Variants in MYOM3 observed in about 807,000 individuals in gnomAD.
The protein encoded by MYOM3 is myomesin-3.
Under a neutral mutation model 191.7 loss-of-function variants are expected in MYOM3, and 155 were observed. The observed-to-expected ratio is 0.81, with a 90% CI of 0.71 to 0.92. MYOM3 has a LOEUF of 0.92. Among genes scored for constraint, MYOM3 ranks in the 40% least tolerant of loss-of-function variants. The pLI, the probability that MYOM3 is intolerant of heterozygous loss-of-function variation, is 0.00. For missense variants in MYOM3, 1,889 were observed against 1,890.6 expected (o/e 1.00, Z 0.02); for synonymous variants, 757 against 762.9 (o/e 0.99, Z 0.13).
intron 9 of MYOM3, among the ~76,000 whole-genome samples, chr1:24,093,613 G>A (rs909403158): frequency 1.1e-4 from 16 of 152,032 alleles, no homozygotes; most frequent in African/African-American, 3.6e-4. Context: ...TTAGGAGGTG[G>A]ATGGGGACTC....
rs755329871 is a variant in MYOM3 at position 24,071,956 on chromosome 1, A to C, written c.3013+13T>G. 7.4e-6 allele frequency: 12 copies of C among 1,613,812 alleles called. No homozygotes were observed. Among genetic ancestry groups the C allele is most frequent in the Non-Finnish European group, 1.0e-5 (12 of 1,179,840 alleles). On this transcript the variant is annotated intron_variant, in intron 24 of 36. Transcript: ENST00000374434. ...GAACTGCACAAGGCTGGTAGCTTGG[A>C]CTGCTTGCTTACCTGGGTTTCTGAT...
In MYOM3 at chr1:24,056,475, T is replaced by C. The variant is rs1643302168; in HGVS notation, c.*889A>G. On this transcript the variant is annotated 3_prime_UTR_variant, in exon 37 of 37. Transcript: ENST00000374434. ...CCTCCGCCTCCCAGGTTCAACGGAT[T>C]CTCCCACCTCGGCCTTCTGAATAGC... The C allele has an allele frequency of 6.6e-6, 1 of 152,222 alleles. No individual in the cohort carries two copies. Among genetic ancestry groups the C allele is most frequent in the Non-Finnish European group, 1.5e-5 (1 of 68,064 alleles). 9.4% of individuals were successfully genotyped at this position (152,222 alleles called of 1,614,324 possible). A position where few individuals can be genotyped will look rare whatever the true frequency, so the allele number is the denominator to read the frequency against.
In MYOM3 at chr1:24,099,766, A is replaced by G. The variant is rs1266651848; in HGVS notation, c.570T>C (p.Asn190=). Reference sequence around the variant, plus strand: ...AGAGGCGGGGATCAATCCGTGTGTCATTTTTGTACCTGTGGGGACATAGCG... The same window carrying G: ...AGAGGCGGGGATCAATCCGTGTGTCGTTTTTGTACCTGTGGGGACATAGCG... ...SPPPQVTWYK[N]DTRIDPRLFR... The change falls in exon 6 of 37, where the codon AAT becomes AAC. Residue 190 remains asparagine, a synonymous_variant. Coordinates refer to ENST00000374434, the MANE Select transcript of MYOM3 (RefSeq NM_152372.4). The G allele has an allele frequency of 6.2e-7, 1 of 1,613,720 alleles. No individual in the cohort carries two copies. The highest frequency in any genetic ancestry group is 1.7e-5 in the Admixed American group (1 of 59,992).
Position 24,057,308 on chromosome 1 carries a change from G to T in MYOM3, c.*56C>A. On this transcript the variant is annotated 3_prime_UTR_variant, in exon 37 of 37. Transcript: ENST00000374434. ...TGTGCCAGGCTGTGACCCTGGTACA[G>T]GTTGTCCCTACTGGTCCATGTAGAC... 4 of 1,560,216 alleles carry T rather than the reference G, an allele frequency of 2.6e-6. No individual in the cohort carries two copies. The highest frequency in any genetic ancestry group is 1.2e-5 in the South Asian group (1 of 83,906).
rs1289917821 is a variant in MYOM3, at chr1:24,067,894, C to T, written c.3355+76G>A. 2.1e-6 allele frequency: 3 copies of T among 1,450,082 alleles called. 1 individual carries two copies. Among genetic ancestry groups the T allele is most frequent in the Non-Finnish European group, 2.9e-6 (3 of 1,032,654 alleles). 89.8% of individuals were successfully genotyped at this position (1,450,082 alleles called of 1,614,324 possible). A position where few individuals can be genotyped will look rare whatever the true frequency, so the allele number is the denominator to read the frequency against. The stretch of plus-strand genomic sequence containing the variant: ...TGGGGACCCAGCAGGGCTGGGGTTC[C>T]CATTAATCCGCAGTCCAGCATCTCT... On this transcript the variant is annotated intron_variant, in intron 27 of 36. Coordinates refer to ENST00000374434, the MANE Select transcript of MYOM3 (RefSeq NM_152372.4).
At position 24,082,638 on chromosome 1, in the gene MYOM3, C is replaced by G; in HGVS notation, c.2047G>C (p.Glu683Gln). ...ATGGGCTCGGTGGCGGCTGAGCTCT[C>G]GCCTACCCCAGCCTCGCTGACTGAC... The part of the protein sequence containing the change: ...VRSVSEAGVG[E>Q]SSAATEPIRV... Residue 683 changes from glutamate (E) to glutamine (Q), a missense_variant, in exon 17 of 37, where the codon GAG becomes CAG. Transcript: ENST00000374434. 3 of 1,612,530 alleles carry G rather than the reference C, an allele frequency of 1.9e-6. No homozygotes were observed. Among genetic ancestry groups the G allele is most frequent in the Non-Finnish European group, 2.5e-6 (3 of 1,179,428 alleles).
At chr1:24,079,154 C>A (rs1043835751) in intron 20 of MYOM3, among the ~76,000 whole-genome samples, 14 of 152,076 alleles carry the variant, frequency 9.2e-5, no homozygotes, top group African/African-American at 3.1e-4. Context: ...TTTTTCTTAG[C>A]CATATAGGAT....
At chr1:24,092,389 C>A in intron 10 of MYOM3, 74 bp from the exon 11 acceptor site, 1 of 1,273,184 alleles carries the variant, frequency 7.9e-7, no homozygotes, top group East Asian at 2.8e-5. Flanking sequence ...CACTCCCGCC[C>A]AGCATCCTCT....
chr1:24,078,278 C>G (rs968459800), intron 20 of MYOM3, among the ~76,000 whole-genome samples: 1 of 152,014 alleles, frequency 6.6e-6, no homozygotes, highest in South Asian at 2.1e-4. Context: ...CCACACATGG[C>G]TAATTTTTGT....
chr1:24,072,286 C>T (rs1349608015), intron 23 of MYOM3, among the ~76,000 whole-genome samples: 1 of 152,154 alleles, frequency 6.6e-6, no homozygotes, highest in Non-Finnish European at 1.5e-5. Flanking sequence ...GTCTCGCCTC[C>T]CTAGAGGAGC....
Position 24,108,456 on chromosome 1 carries a change from G to A in MYOM3, c.161+20C>T, listed in dbSNP as rs745766870. The A allele has an allele frequency of 2.0e-4, 312 of 1,534,290 alleles. No homozygotes were observed. The highest frequency in any genetic ancestry group is 2.6e-4 in the Non-Finnish European group (297 of 1,138,658). ...CCTGGGAACAGGGCAGTGGCTGGGCGGGGACCCTGTGGCTCCCACCTGCTG... is the reference window on the plus strand; with the variant it reads ...CCTGGGAACAGGGCAGTGGCTGGGCAGGGACCCTGTGGCTCCCACCTGCTG... On this transcript the variant is annotated intron_variant, in intron 2 of 36. Coordinates refer to ENST00000374434, the MANE Select transcript of MYOM3 (RefSeq NM_152372.4).
intron 27 of MYOM3, among the ~76,000 whole-genome samples, chr1:24,067,524 G>A (rs1475137852): frequency 6.7e-6 from 1 of 150,048 alleles, no homozygotes; most frequent in Non-Finnish European, 1.5e-5. Context: ...GTGCAGTGGC[G>A]CAATCTCGGC....
At chr1:24,086,228 G>A (rs1049946183) in intron 15 of MYOM3, among the ~76,000 whole-genome samples, 8 of 152,088 alleles carry the variant, frequency 5.3e-5, no homozygotes, top group Admixed American at 4.6e-4. Context: ...GCAGGTGAGT[G>A]GTGTCCTGCC....
At position 24,057,590 on chromosome 1, in the gene MYOM3, G is replaced by T; in HGVS notation, c.4088C>A (p.Thr1363Asn). ...CLTCIVSGDPTPEISWLKNDQ... is the reference protein window; with the variant it reads ...CLTCIVSGDPNPEISWLKNDQ... Reference sequence around the variant, plus strand: ...ATTCTTCAGCCAAGAGATTTCAGGGGTGGGGTCTCCTGAGACGATGCAAGT... The same window carrying T: ...ATTCTTCAGCCAAGAGATTTCAGGGTTGGGGTCTCCTGAGACGATGCAAGT... Residue 1363 changes from threonine to asparagine, a missense_variant, in exon 37 of 37, where the codon ACC (threonine) becomes AAC (asparagine). Thr to Asn is a moderately conservative substitution (Grantham distance 65, BLOSUM62 0). Coordinates refer to ENST00000374434, the MANE Select transcript of MYOM3 (RefSeq NM_152372.4). The T allele has an allele frequency of 6.2e-7, 1 of 1,614,128 alleles. No individual in the cohort carries two copies. The highest frequency in any genetic ancestry group is 8.5e-7 in the Non-Finnish European group (1 of 1,179,990).
chr1:24,067,954 C>T lies in MYOM3; in HGVS notation c.3355+16G>A. ...CAGTGGCCAGGGATTTTGAACTTCA[C>T]CCCAGCAGCTCTTACCCTGTTTTCT... On this transcript the variant is annotated intron_variant, in intron 27 of 36. Coordinates refer to ENST00000374434, the MANE Select transcript of MYOM3 (RefSeq NM_152372.4). 1.9e-6 allele frequency: 3 copies of T among 1,613,616 alleles called. No homozygotes were observed. Among genetic ancestry groups the T allele is most frequent in the Non-Finnish European group, 2.5e-6 (3 of 1,179,482 alleles).
In MYOM3 at chr1:24,108,035, A is replaced by G; in HGVS notation, c.200T>C (p.Leu67Pro). 5 of 1,613,736 alleles carry G rather than the reference A, an allele frequency of 3.1e-6. No individual in the cohort carries two copies. Among genetic ancestry groups the G allele is most frequent in the Non-Finnish European group, 4.2e-6 (5 of 1,179,838 alleles). ...EHEFSAADYA[L>P]AAALALTASS... ...GGCCGTCAGAGCCAGGGCTGCTGCCAGGGCGTAGTCCGCGGCGCTGAACTC... is the reference window on the plus strand; with the variant it reads ...GGCCGTCAGAGCCAGGGCTGCTGCCGGGGCGTAGTCCGCGGCGCTGAACTC... The change falls in exon 3 of 37, where the codon CTG becomes CCG. Residue 67 changes from leucine (L) to proline (P), a missense_variant. By Grantham distance (98) the Leu-to-Pro change is moderately conservative (BLOSUM62 -3). Transcript: ENST00000374434.
At chr1:24,101,243 G>T (rs1241701321) in intron 5 of MYOM3, among the ~76,000 whole-genome samples, 3 of 152,154 alleles carry the variant, frequency 2.0e-5, no homozygotes, top group Non-Finnish European at 4.4e-5. Context: ...ATGTGGAGAA[G>T]CTCAGTCCCT....
chr1:24,092,967 C>T lies in MYOM3; in HGVS notation c.1070G>A (p.Ser357Asn), dbSNP rs1643857915. The T allele has an allele frequency of 6.3e-7, 1 of 1,597,088 alleles. No individual in the cohort carries two copies. Among genetic ancestry groups the T allele is most frequent in the South Asian group, 1.1e-5 (1 of 88,616 alleles). Residue 357 changes from serine to asparagine, a missense_variant, in exon 10 of 37, where the codon AGC (serine) becomes AAC (asparagine). Coordinates refer to ENST00000374434, the MANE Select transcript of MYOM3 (RefSeq NM_152372.4). ...VPSPFGPREQ[S>N]TYVLVRDAEA... is the part of the protein sequence containing the mutation. Reference sequence around the variant, plus strand: ...CTCACCTCTCACAAGCACGTAGGTGCTCTGTTCCCGGGGTCCGAAGGGCGA... The same window carrying T: ...CTCACCTCTCACAAGCACGTAGGTGTTCTGTTCCCGGGGTCCGAAGGGCGA...
At chr1:24,096,875 T>C (rs1205092073) in intron 7 of MYOM3, among the ~76,000 whole-genome samples, 1 of 152,232 alleles carries the variant, frequency 6.6e-6, no homozygotes, top group Non-Finnish European at 1.5e-5. Flanking sequence ...GGGTACCACA[T>C]GCCAAGGCTT....
Sources: allele counts gnomAD v4.1 joint callset (sites outside exome capture counted in the v4.1 genomes callset), GRCh38; gene constraint gnomAD v4.1.1; transcripts MANE v1.5; gene names NCBI Gene and HGNC (gene_info 2026-07-23, HGNC 2026-07-21).